The following ZNF883 variants were observed in gnomAD, a reference collection of about 807,000 sequenced individuals.
ZNF883 encodes the protein zinc finger protein 883.
chr9:113,004,382 A>C (rs1828455773), intron 2 of ZNF883, among the ~76,000 whole-genome samples: 1 of 152,216 alleles, frequency 6.6e-6, no homozygotes, highest in Non-Finnish European at 1.5e-5. Context: ...TTAACTGACT[A>C]AACTTTAGCT....
At chr9:113,001,547 G>A (rs1335203962), upstream of ZNF883, among the ~76,000 whole-genome samples, 1 of 152,080 alleles carries the variant, frequency 6.6e-6, no homozygotes, top group Non-Finnish European at 1.5e-5. Context: ...GCTCTGCATA[G>A]AGGACCTTAA....
intron 2 of ZNF883, among the ~76,000 whole-genome samples, chr9:113,005,577 T>C (rs1212222348): frequency 2.0e-5 from 3 of 152,200 alleles, no homozygotes; most frequent in Admixed American, 2.0e-4. Flanking sequence ...TATTTATTTG[T>C]ATTTACTTAT....
At chr9:113,005,650 TTAATAA>T (rs1191429775) in intron 2 of ZNF883, among the ~76,000 whole-genome samples, 1 of 152,236 alleles carries the variant, frequency 6.6e-6, no homozygotes, top group African/African-American at 2.4e-5. Context: ...ATAAACATTG[TTAATAA>T]TAGTTATATT....
chr9:113,011,198 A>G (rs1209782637), exon 2 of ZNF883: 3 of 152,300 alleles, frequency 2.0e-5, no homozygotes, highest in South Asian at 4.1e-4. Flanking sequence ...GCCATCTTAT[A>G]TAAGTAAGTA....
chr9:113,001,226 T>C (rs886093422), upstream of ZNF883, among the ~76,000 whole-genome samples: 1 of 152,110 alleles, frequency 6.6e-6, no homozygotes, highest in Non-Finnish European at 1.5e-5. Flanking sequence ...CAGAATAATT[T>C]TGAAAGGTAG....
chr9:113,004,680 G>T (rs1453364964), intron 2 of ZNF883, among the ~76,000 whole-genome samples: 3 of 151,788 alleles, frequency 2.0e-5, no homozygotes, highest in Non-Finnish European at 4.4e-5. Flanking sequence ...CTATGAGAAA[G>T]AAATGTTTGT....
chr9:112,999,039 A>G (rs1243287818), upstream of ZNF883: 4 of 152,208 alleles, frequency 2.6e-5, no homozygotes, highest in Admixed American at 6.5e-5. Flanking sequence ...ACATCATATG[A>G]TGACATTATT....
intron 2 of ZNF883, among the ~76,000 whole-genome samples, chr9:113,009,569 G>C (rs1463524111): frequency 6.6e-6 from 1 of 151,914 alleles, no homozygotes; most frequent in East Asian, 1.9e-4. Context: ...GAATGCAGTG[G>C]CGTGATCTCG....
At chr9:112,998,991 G>A (rs760554866), upstream of ZNF883, 23 of 152,028 alleles carry the variant, frequency 1.5e-4, no homozygotes, top group Non-Finnish European at 2.2e-4. Context: ...TTCTTCTAAT[G>A]TGAAGTATTA....
rs376373882 is a variant in ZNF883, at chr9:112,997,937, T to C, written n.323A>G. 3.0e-5 allele frequency: 49 copies of C among 1,613,786 alleles called. No individual in the cohort carries two copies. In the Middle Eastern group the frequency reaches 6.6e-4, roughly 22 times the overall value. ...CTCATGATTTCTAAGGGATGACCTA[T>C]GACTAAAGGTTTTTTCACATTCATT... is the stretch of plus-strand genomic sequence containing the variant. On this transcript the variant is annotated non_coding_transcript_exon_variant, in exon 1 of 1. Transcript: ENST00000639662.
upstream of ZNF883, chr9:113,001,858 T>G (rs367680527): frequency 3.2e-4 from 49 of 152,290 alleles, no homozygotes; most frequent in African/African-American, 1.2e-3. Flanking sequence ...TTTACAAAGT[T>G]TTAAAGAAAA....
At chr9:113,011,721 A>G (rs1267488313) in intron 1 of ZNF883, among the ~76,000 whole-genome samples, 1 of 152,180 alleles carries the variant, frequency 6.6e-6, no homozygotes, top group Admixed American at 6.5e-5. Flanking sequence ...TCTAGTTGGC[A>G]CTAAATACGT....
chr9:113,010,112 T>C (rs1828517575), intron 2 of ZNF883, among the ~76,000 whole-genome samples: 1 of 152,224 alleles, frequency 6.6e-6, no homozygotes, highest in African/African-American at 2.4e-5. Context: ...TGTTATTCAC[T>C]GTTATATCCC....
At chr9:112,997,057 T>G, downstream of ZNF883, 2 of 1,453,076 alleles carry the variant, frequency 1.4e-6, no homozygotes, top group Non-Finnish European at 1.8e-6. Flanking sequence ...TAGGGTTGCT[T>G]GAACTGTGAG....
intron 1 of ZNF883, among the ~76,000 whole-genome samples, chr9:112,988,460 C>A (rs984418464): frequency 1.3e-5 from 2 of 152,148 alleles, no homozygotes; most frequent in Non-Finnish European, 2.9e-5. Flanking sequence ...ATCCACAGCC[C>A]TGCAAAGGAC....
At chr9:113,005,257 T>A (rs1471637269) in intron 2 of ZNF883, among the ~76,000 whole-genome samples, 2 of 151,840 alleles carry the variant, frequency 1.3e-5, no homozygotes, top group Non-Finnish European at 1.5e-5. Context: ...ATATTGGGAG[T>A]AAATATTTGC....
At chr9:112,991,273 A>C (rs1036807100) in intron 1 of ZNF883, among the ~76,000 whole-genome samples, 2 of 152,000 alleles carry the variant, frequency 1.3e-5, no homozygotes, top group Non-Finnish European at 2.9e-5. Flanking sequence ...CATCACAGAG[A>C]TTCTGGTATG....
At chr9:112,992,910 C>T (rs137875254), downstream of ZNF883, among the ~76,000 whole-genome samples, 199 of 152,180 alleles carry the variant, frequency 1.3e-3, 4 homozygotes, top group East Asian at 0.013. Context: ...TGTGTTTTTC[C>T]GCTCCATCAG....
intron 2 of ZNF883, among the ~76,000 whole-genome samples, chr9:113,007,931 G>T (rs1587898015): frequency 6.7e-6 from 1 of 148,888 alleles, no homozygotes; most frequent in East Asian, 1.9e-4. Context: ...AAAAGAAAAA[G>T]AAGGAAAAGG....
Sources: gnomAD v4.1 joint callset for allele counts (sites outside exome capture counted in the v4.1 genomes callset) on GRCh38, gnomAD v4.1.1 for gene constraint, MANE v1.5 for transcripts, NCBI Gene and HGNC (gene_info 2026-07-23, HGNC 2026-07-21) for gene names.